Variants in DNAAF9 observed in about 807,000 individuals in gnomAD.
DNAAF9 encodes the protein shulin.
In DNAAF9, 90 loss-of-function variants were observed where a neutral mutation model predicts 167.0. The ratio of observed to expected loss-of-function variants is 0.54; its 90% confidence interval spans 0.45 to 0.64. DNAAF9 has a LOEUF of 0.64. DNAAF9 is among the 30% of genes least tolerant of loss of function. The pLI, the probability that DNAAF9 is intolerant of heterozygous loss-of-function variation, is 0.00. For synonymous variants in DNAAF9, 491 were observed against 508.8 expected (o/e 0.96, Z 0.47); for missense variants, 1,315 against 1,442.2 (o/e 0.91, Z 1.43).
chr20:3,310,377 GAAA>G (rs1262336153), intron 20 of DNAAF9, among the ~76,000 whole-genome samples: 7 of 150,976 alleles, frequency 4.6e-5, no homozygotes, highest in African/African-American at 1.7e-4. Flanking sequence ...AAGAAAGAAA[GAAA>G]GAAAGAAAGA....
chr20:3,290,089 G>T, intron 26 of DNAAF9, 40 bp downstream of exon 26: 2 of 1,337,126 alleles, frequency 1.5e-6, no homozygotes, highest in South Asian at 2.3e-5. Context: ...GCCCAAGTTA[G>T]AATCCCTTTC....
rs567514167 is a variant in DNAAF9, at chr20:3,295,949, T to C, written c.2018+912A>G. ...ACATATTTCCCCTGTCTCTGTGATGTTGGGGTGCCAGATCTTGGTCAGGCA... is the reference window on the plus strand; with the variant it reads ...ACATATTTCCCCTGTCTCTGTGATGCTGGGGTGCCAGATCTTGGTCAGGCA... On this transcript the variant is annotated intron_variant, in intron 23 of 36. Coordinates refer to ENST00000252032, the MANE Select transcript of DNAAF9 (RefSeq NM_001009984.3). The C allele has an allele frequency of 4.4e-5, 70 of 1,580,350 alleles. 1 individual carries two copies. The East Asian group carries it at 4.7e-4, about 11-fold the overall frequency.
At position 3,315,379 on chromosome 20, in the gene DNAAF9, T is replaced by A. The variant is rs1227001277; in HGVS notation, c.1591-259A>T. Among the ~76,000 whole-genome samples, 1 of 152,254 alleles carries A rather than the reference T, an allele frequency of 6.6e-6. No individual in the cohort carries two copies. The highest frequency in any genetic ancestry group is 1.5e-5 in the Non-Finnish European group (1 of 68,048). ...TCAAAGCCCGCAATGCTTGTTCATGTTCCAGTGGATTTATTTCCTTTGTGA... is the reference window on the plus strand; with the variant it reads ...TCAAAGCCCGCAATGCTTGTTCATGATCCAGTGGATTTATTTCCTTTGTGA... On this transcript the variant is annotated intron_variant, in intron 19 of 36. Transcript: ENST00000252032. The surrounding 1 kb of genome is among the most constrained non-coding windows in gnomAD (Gnocchi z 4.1).
chr20:3,350,058 T>A (rs2070283425), intron 7 of DNAAF9, among the ~76,000 whole-genome samples: 1 of 151,820 alleles, frequency 6.6e-6, no homozygotes, highest in Non-Finnish European at 1.5e-5. Context: ...GCCCTAGACA[T>A]AAAGCACAAG....
intron 6 of DNAAF9, among the ~76,000 whole-genome samples, chr20:3,367,944 G>A (rs1434546571): frequency 1.3e-5 from 2 of 150,534 alleles, no homozygotes; most frequent in Non-Finnish European, 2.9e-5. Flanking sequence ...TCTACAAAGT[G>A]CAGCAAACCA....
Position 3,387,111 on chromosome 20 carries a change from A to G in DNAAF9, c.84-4605T>C, listed in dbSNP as rs2083752796. On this transcript the variant is annotated intron_variant, in intron 1 of 36. Transcript: ENST00000252032. ...CCAAAGCAATCTACACATTCAGTGTAATCCCTTCTCAAATCCCAATGATGT... is the reference window on the plus strand; with the variant it reads ...CCAAAGCAATCTACACATTCAGTGTGATCCCTTCTCAAATCCCAATGATGT... Among the ~76,000 whole-genome samples, 8 of 152,236 alleles carry G rather than the reference A, an allele frequency of 5.3e-5. No homozygotes were observed. The South Asian group carries it at 1.7e-3, about 31-fold the overall frequency.
At position 3,323,776 on chromosome 20, in the gene DNAAF9, A is replaced by G. The variant is rs2069662028; in HGVS notation, c.1266-1080T>C. The stretch of plus-strand genomic sequence containing the variant: ...GCTGAGTGGCCTAGGCAAGGGCCCA[A>G]GTAAAGGAGAAGTAGAATGACTATG... On this transcript the variant is annotated intron_variant, in intron 14 of 36. Coordinates refer to ENST00000252032, the MANE Select transcript of DNAAF9 (RefSeq NM_001009984.3). 5.3e-5 allele frequency among the ~76,000 whole-genome samples: 8 copies of G among 152,338 alleles called. No homozygotes were observed. The South Asian group carries it at 1.7e-3, about 32-fold the overall frequency.
At chr20:3,343,456 G>T (rs999554311) in intron 9 of DNAAF9, among the ~76,000 whole-genome samples, 6 of 152,100 alleles carry the variant, frequency 3.9e-5, no homozygotes, top group African/African-American at 1.4e-4. Flanking sequence ...TGACAACAGT[G>T]TTTCAAAAGC....
chr20:3,255,415 TATA>T, intron 34 of DNAAF9, 131 bp from the exon 35 acceptor site: 1 of 629,694 alleles, frequency 1.6e-6, no homozygotes, highest in Non-Finnish European at 2.9e-6. Context: ...ATGGCCTGGA[TATA>T]ATATTCTGTC....
chr20:3,288,608 C>T (rs57961455), intron 26 of DNAAF9, among the ~76,000 whole-genome samples: 6,723 of 152,258 alleles, frequency 0.044, 219 homozygotes, highest in African/African-American at 0.094. Flanking sequence ...TCCACAATAT[C>T]CCATCCTAAA....
chr20:3,352,905 C>CATATGAAATAATTCT (rs779171093), intron 7 of DNAAF9, among the ~76,000 whole-genome samples: 1 of 147,780 alleles, frequency 6.8e-6, no homozygotes. Context: ...ATGTAAATTC[C>CATATGAAATAATTCT]ATATGAAATA....
intron 29 of DNAAF9, among the ~76,000 whole-genome samples, chr20:3,278,445 G>A (rs999541571): frequency 1.3e-5 from 2 of 152,180 alleles, no homozygotes; most frequent in African/African-American, 4.8e-5. Flanking sequence ...CTCAGGCCAG[G>A]CGCCGTGGCT....
At chr20:3,369,297 T>C (rs2083477914) in intron 6 of DNAAF9, among the ~76,000 whole-genome samples, 1 of 152,220 alleles carries the variant, frequency 6.6e-6, no homozygotes. Flanking sequence ...TCTTCCCTTA[T>C]GGTATCGTGG....
chr20:3,275,650 G>A (rs1325908233), intron 29 of DNAAF9, among the ~76,000 whole-genome samples: 1 of 152,248 alleles, frequency 6.6e-6, no homozygotes, highest in Non-Finnish European at 1.5e-5. Flanking sequence ...AATGCCATCT[G>A]TGAGGCAGGT....
chr20:3,252,874 T>C (rs934363797), intron 36 of DNAAF9, among the ~76,000 whole-genome samples, 190 bp from the exon 37 acceptor site: 1 of 152,208 alleles, frequency 6.6e-6, no homozygotes, highest in African/African-American at 2.4e-5. Flanking sequence ...ATGGCTGTTG[T>C]CACAGGGATG....
intron 10 of DNAAF9, among the ~76,000 whole-genome samples, chr20:3,337,114 C>G (rs2092992): frequency 3.5e-4 from 53 of 151,462 alleles, no homozygotes; most frequent in African/African-American, 1.2e-3. Flanking sequence ...TTCCTGACCT[C>G]GTGATCTGCC....
In DNAAF9 at chr20:3,289,250, C is replaced by A. The variant is rs565875902; in HGVS notation, c.2327+879G>T. Among the ~76,000 whole-genome samples the A allele has an allele frequency of 2.6e-5, 4 of 152,234 alleles. No individual in the cohort carries two copies. The East Asian group carries it at 7.7e-4, about 29-fold the overall frequency. ...TGTATACATGTGTAACAAACCTGCA[C>A]GTTGTGCACATGTATTCTAAAACTT... On this transcript the variant is annotated intron_variant, in intron 26 of 36. Coordinates refer to ENST00000252032, the MANE Select transcript of DNAAF9 (RefSeq NM_001009984.3).
chr20:3,397,622 G>C (rs2083928848), intron 1 of DNAAF9, among the ~76,000 whole-genome samples: 2 of 151,958 alleles, frequency 1.3e-5, no homozygotes, highest in African/African-American at 4.8e-5. Context: ...CCAGCCTTAT[G>C]ATTATTGCTT....
chr20:3,373,912 G>A, intron 6 of DNAAF9, 136 bp downstream of exon 6: 1 of 597,942 alleles, frequency 1.7e-6, no homozygotes, highest in East Asian at 2.8e-5. Flanking sequence ...TCCATTTCAA[G>A]TCTCCTAACT....
Sources: gnomAD v4.1 joint callset for allele counts (sites outside exome capture counted in the v4.1 genomes callset) on GRCh38, gnomAD v4.1.1 for gene constraint, Gnocchi (gnomAD v3.1) non-coding constraint, MANE v1.5 for transcripts, NCBI Gene and HGNC (gene_info 2026-07-23, HGNC 2026-07-21) for gene names.